Variants in DUSP16 observed in about 807,000 individuals in gnomAD.
DUSP16 encodes the protein dual specificity phosphatase 16, also known as dual specificity protein phosphatase 16.
In DUSP16, 21 loss-of-function variants were observed where a neutral mutation model predicts 58.3. The ratio of observed to expected loss-of-function variants is 0.36; its 90% confidence interval spans 0.26 to 0.52. The LOEUF is 0.52. Ranked by LOEUF, DUSP16 falls within the 20% of genes least tolerant of loss-of-function variation. The pLI is 0.94. For missense variants in DUSP16, 726 were observed against 819.0 expected (o/e 0.89, Z 1.39); for synonymous variants, 320 against 323.8 (o/e 0.99, Z 0.12).
At chr12:12,547,289 C>T (rs771227435) in intron 1 of DUSP16, among the ~76,000 whole-genome samples, 14 of 151,634 alleles carry the variant, frequency 9.2e-5, no homozygotes, top group Non-Finnish European at 1.8e-4. Context: ...ATTAGCCGGG[C>T]GTGGTGGTGC....
intron 1 of DUSP16, chr12:12,554,485 G>A (rs1178953921): frequency 6.6e-6 from 1 of 151,854 alleles, no homozygotes; most frequent in Non-Finnish European, 1.5e-5. Context: ...CATTATTAGG[G>A]ACATTTCCAA....
At chr12:12,547,446 AC>A (rs200410463) in intron 1 of DUSP16, among the ~76,000 whole-genome samples, 11 of 135,450 alleles carry the variant, frequency 8.1e-5, no homozygotes, top group East Asian at 6.8e-4. Flanking sequence ...AAACAAACAA[AC>A]AAAAAAAAGC....
rs1380783188 is a variant in DUSP16 at position 12,476,168 on chromosome 12, C to T, written c.*665G>A. 6.6e-6 allele frequency: 1 copy of T among 152,648 alleles called. No homozygotes were observed. Among genetic ancestry groups the T allele is most frequent in the Admixed American group, 6.5e-5 (1 of 15,280 alleles). 9.5% of individuals were successfully genotyped at this position (152,648 alleles called of 1,614,324 possible). A position where few individuals can be genotyped will look rare whatever the true frequency, so the allele number is the denominator to read the frequency against. On this transcript the variant is annotated 3_prime_UTR_variant, in exon 7 of 7. Transcript: ENST00000298573. Reference sequence around the variant, plus strand: ...AAGTGTGACTAGCTACCTACCTATTCACAATGCCTAGAAAATGGGCTACCA... The same window carrying T: ...AAGTGTGACTAGCTACCTACCTATTTACAATGCCTAGAAAATGGGCTACCA...
At chr12:12,526,179 TCTC>T (rs1944304562) in intron 1 of DUSP16, among the ~76,000 whole-genome samples, 1 of 152,124 alleles carries the variant, frequency 6.6e-6, no homozygotes, top group East Asian at 1.9e-4. Context: ...AATCAGCAAA[TCTC>T]CTAAAGAAAT....
intron 4 of DUSP16, among the ~76,000 whole-genome samples, chr12:12,495,999 C>T (rs550913972): frequency 2.0e-5 from 3 of 152,262 alleles, no homozygotes; most frequent in Non-Finnish European, 4.4e-5. Context: ...GTTATTGTGG[C>T]GTGTAGGTAA....
intron 4 of DUSP16, among the ~76,000 whole-genome samples, chr12:12,495,013 G>C (rs535699043): frequency 6.6e-5 from 10 of 152,030 alleles, no homozygotes; most frequent in African/African-American, 2.4e-4. Context: ...ACCACTCATC[G>C]CCTGGGTGAT....
rs546257721 is a variant in DUSP16 at position 12,561,653 on chromosome 12, G to C, written c.-366+464C>G. On this transcript the variant is annotated intron_variant, in intron 1 of 6. Transcript: ENST00000298573. ...TGGCCTCGCTGCTTACACCAAAGGCGAACTGGGGATAATGGGAACAGTCAG... is the reference window on the plus strand; with the variant it reads ...TGGCCTCGCTGCTTACACCAAAGGCCAACTGGGGATAATGGGAACAGTCAG... Among the ~76,000 whole-genome samples, 5 of 152,332 alleles carry C rather than the reference G, an allele frequency of 3.3e-5. No individual in the cohort carries two copies. The South Asian group carries it at 6.2e-4, about 19-fold the overall frequency.
chr12:12,514,456 G>A (rs1944119330), intron 3 of DUSP16, among the ~76,000 whole-genome samples: 3 of 152,102 alleles, frequency 2.0e-5, no homozygotes, highest in Admixed American at 2.0e-4. Flanking sequence ...GCTCTTTTCT[G>A]ATCCTTTTTC....
intron 1 of DUSP16, chr12:12,554,701 T>A (rs557571924): frequency 6.6e-6 from 1 of 152,186 alleles, no homozygotes; most frequent in Non-Finnish European, 1.5e-5. Context: ...ATGAAAATAT[T>A]TTAACATAAC....
intron 4 of DUSP16, 54 bp from the exon 5 acceptor site, chr12:12,487,241 C>A: frequency 6.4e-7 from 1 of 1,569,720 alleles, no homozygotes; most frequent in South Asian, 1.1e-5. Flanking sequence ...TAAACATGAT[C>A]ATTCTGAAAG....
intron 3 of DUSP16, among the ~76,000 whole-genome samples, chr12:12,503,193 T>A (rs1943934768): frequency 6.6e-6 from 1 of 150,932 alleles, no homozygotes; most frequent in Non-Finnish European, 1.5e-5. Flanking sequence ...TGGCGTATAG[T>A]AAAGCACTCA....
chr12:12,527,637 T>G (rs1944324791), intron 1 of DUSP16, among the ~76,000 whole-genome samples: 1 of 152,150 alleles, frequency 6.6e-6, no homozygotes, highest in Non-Finnish European at 1.5e-5. Flanking sequence ...TTTATAAAAG[T>G]ATAAAACAAA....
At chr12:12,495,564 A>G (rs918777672) in intron 4 of DUSP16, among the ~76,000 whole-genome samples, 3 of 152,212 alleles carry the variant, frequency 2.0e-5, no homozygotes, top group Non-Finnish European at 2.9e-5. Context: ...ATTTCTAAAT[A>G]TGAGTTCTAT....
chr12:12,485,950 C>G (rs911955977), intron 5 of DUSP16, among the ~76,000 whole-genome samples: 4 of 151,788 alleles, frequency 2.6e-5, no homozygotes, highest in African/African-American at 9.7e-5. Flanking sequence ...CCTGTCACCT[C>G]GCCCAGCTAA....
intron 3 of DUSP16, among the ~76,000 whole-genome samples, chr12:12,511,130 TGCAGTGTGA>T (rs1944072657): frequency 6.6e-6 from 1 of 152,232 alleles, no homozygotes; most frequent in Non-Finnish European, 1.5e-5. Flanking sequence ...TAACTTTGGC[TGCAGTGTGA>T]GCAATGGATT....
rs762215438 is a variant in DUSP16 at position 12,509,496 on chromosome 12, A to AG, written c.368-8815_368-8814insC. On this transcript the variant is annotated intron_variant, in intron 3 of 6. Coordinates refer to ENST00000298573, the MANE Select transcript of DUSP16 (RefSeq NM_030640.3). The stretch of plus-strand genomic sequence containing the variant: ...TGTTGCGTTTAAAGAAAAAAAAAAA[A>AG]CAAACTTCCTTGAGCAGCGTATCTA... 1.4e-4 allele frequency among the ~76,000 whole-genome samples: 22 copies of AG among 151,874 alleles called. No homozygotes were observed. In the East Asian group the frequency reaches 1.6e-3, roughly 11 times the overall value.
intron 1 of DUSP16, among the ~76,000 whole-genome samples, chr12:12,540,175 CA>C (rs1174020386): frequency 6.6e-6 from 1 of 150,386 alleles, no homozygotes; most frequent in Non-Finnish European, 1.5e-5. Flanking sequence ...GGTGTGCTGA[CA>C]GGGGCCCGTA....
chr12:12,477,751 C>T lies in DUSP16; in HGVS notation c.1080G>A (p.Val360=), dbSNP rs2111269. 2.3e-5 allele frequency: 35 copies of T among 1,525,148 alleles called. No individual in the cohort carries two copies. The East Asian group carries it at 8.9e-4, about 39-fold the overall frequency. The allele number at this position is 1,525,148 out of a possible 1,614,324, so 94.5% of individuals were successfully genotyped here. ...ACGGCTGCACGCTGGGCACGCTGGG[C>T]ACGCTGGCGGGATGCACGGGCCTTT... ...AGQRPVHPAS[V]PSVPSVQPSL... The change falls in exon 7 of 7, where the codon GTG becomes GTA. Residue 360 remains valine, a synonymous_variant. Transcript: ENST00000298573. The surrounding 1 kb of genome is among the most constrained non-coding windows in gnomAD (Gnocchi z 4.1).
In DUSP16 at chr12:12,500,568, C is replaced by T. The variant is rs148059278; in HGVS notation, c.482G>A (p.Arg161Gln). The change falls in exon 4 of 7, where the codon CGA becomes CAA. Residue 161 changes from arginine to glutamine, a missense_variant. Arg to Gln is a conservative substitution (Grantham distance 43). Coordinates refer to ENST00000298573, the MANE Select transcript of DUSP16 (RefSeq NM_030640.3). ...CLPVANIGPT[R>Q]ILPNLYLGCQ... ...GCCAAGATAAAGATTGGGAAGAATT[C>T]GGGTTGGCCCAATGTTGGCAACAGG... The T allele has an allele frequency of 1.5e-5, 24 of 1,611,662 alleles. No homozygotes were observed. Among genetic ancestry groups the T allele is most frequent in the African/African-American group, 6.7e-5 (5 of 74,812 alleles).
Sources: gnomAD v4.1 joint callset for allele counts (sites outside exome capture counted in the v4.1 genomes callset) on GRCh38, gnomAD v4.1.1 for gene constraint, Gnocchi (gnomAD v3.1) non-coding constraint, MANE v1.5 for transcripts, NCBI Gene and HGNC (gene_info 2026-07-23, HGNC 2026-07-21) for gene names.